CTNNA3: variants seen among roughly 807,000 people sequenced by gnomAD.
The protein encoded by CTNNA3 is catenin alpha-3.
Under a neutral mutation model 95.7 loss-of-function variants are expected in CTNNA3, and 76 were observed. The observed-to-expected ratio is 0.79, with a 90% CI of 0.66 to 0.96. The LOEUF (loss-of-function observed/expected upper bound fraction) is 0.96. Ranked by LOEUF, CTNNA3 falls within the 40% of genes least tolerant of loss-of-function variation. CTNNA3 has a pLI of 0.00. For synonymous variants in CTNNA3, 431 were observed against 374.4 expected (o/e 1.15, Z -1.74); for missense variants, 1,191 against 1,089.8 (o/e 1.09, Z -1.31).
chr10:67,170,725 G>A (rs1290805180), intron 7 of CTNNA3, among the ~76,000 whole-genome samples: 6 of 152,032 alleles, frequency 3.9e-5, no homozygotes, highest in African/African-American at 1.5e-4. Flanking sequence ...CATGCCACAA[G>A]TTTACCTATG....
At chr10:66,659,181 AACACACACACACACAC>A (rs10565151) in intron 9 of CTNNA3, among the ~76,000 whole-genome samples, 38 of 145,676 alleles carry the variant, frequency 2.6e-4, no homozygotes, top group South Asian at 1.3e-3. Context: ...TAATTAAGAA[AACACACACACACACAC>A]ACACACACAC....
rs957176445 is a variant in CTNNA3, at chr10:66,728,493, G to A, written c.1281+37771C>T. Among the ~76,000 whole-genome samples, 5 of 152,156 alleles carry A rather than the reference G, an allele frequency of 3.3e-5. No individual in the cohort carries two copies. The East Asian group carries it at 7.7e-4, about 23-fold the overall frequency. ...CAATTGCTTTGGGTGTTTTCATCAT[G>A]AAATCTTTGCCCCATGCCTATGTCC... On this transcript the variant is annotated intron_variant, in intron 9 of 17. Transcript: ENST00000433211.
intron 7 of CTNNA3, among the ~76,000 whole-genome samples, chr10:66,852,054 A>G (rs1054429547): frequency 6.6e-6 from 1 of 152,122 alleles, no homozygotes; most frequent in Non-Finnish European, 1.5e-5. Flanking sequence ...GAGCCCAGGA[A>G]TACAGTGTCA....
In CTNNA3 at chr10:67,594,396, A is replaced by C. The variant is rs968420993; in HGVS notation, c.292+12461T>G. ...ATCTGTTCCAGGGCTTTTTCTGATT[A>C]GCAGGGATTTTTTTATTACTGATTC... On this transcript the variant is annotated intron_variant, in intron 3 of 17. Coordinates refer to ENST00000433211, the MANE Select transcript of CTNNA3 (RefSeq NM_013266.4). Among the ~76,000 whole-genome samples the C allele has an allele frequency of 1.1e-4, 16 of 152,054 alleles. 1 individual carries two copies. Among genetic ancestry groups the C allele is most frequent in the African/African-American group, 3.9e-4 (16 of 41,438 alleles).
At chr10:67,029,373 C>T (rs972233676) in intron 7 of CTNNA3, among the ~76,000 whole-genome samples, 4 of 152,052 alleles carry the variant, frequency 2.6e-5, no homozygotes. Flanking sequence ...TGGTTCAGAG[C>T]AGGTTGATTG....
At chr10:67,303,722 A>G (rs1344976541) in intron 5 of CTNNA3, among the ~76,000 whole-genome samples, 1 of 152,202 alleles carries the variant, frequency 6.6e-6, no homozygotes, top group Non-Finnish European at 1.5e-5. Flanking sequence ...TAGATATTAA[A>G]GAAATGTCAG....
chr10:66,415,950 A>G (rs778786964), intron 11 of CTNNA3, among the ~76,000 whole-genome samples: 6 of 152,226 alleles, frequency 3.9e-5, no homozygotes, highest in Non-Finnish European at 8.8e-5. Context: ...GCAAGAATAT[A>G]TGACAGCTCC....
intron 10 of CTNNA3, among the ~76,000 whole-genome samples, chr10:66,536,103 G>A (rs1841643547): frequency 6.6e-6 from 1 of 151,778 alleles, no homozygotes. Context: ...TTGAAACAGG[G>A]TGATGGATTC....
chr10:67,291,908 G>C (rs954840359), intron 5 of CTNNA3, among the ~76,000 whole-genome samples: 1 of 152,128 alleles, frequency 6.6e-6, no homozygotes, highest in South Asian at 2.1e-4. Context: ...GTGTACATGA[G>C]AGCCTTCAGA....
At chr10:67,528,517 G>A (rs1184741194) in intron 4 of CTNNA3, among the ~76,000 whole-genome samples, 1 of 152,034 alleles carries the variant, frequency 6.6e-6, no homozygotes, top group African/African-American at 2.4e-5. Flanking sequence ...ATCCTCTTCT[G>A]CAGGTAAAAT....
intron 7 of CTNNA3, among the ~76,000 whole-genome samples, chr10:67,060,831 T>A (rs1288602706): frequency 6.7e-6 from 1 of 148,868 alleles, no homozygotes; most frequent in African/African-American, 2.5e-5. Context: ...TGTACATATA[T>A]GACATGAAAA....
At position 66,040,522 on chromosome 10, in the gene CTNNA3, T is replaced by C. The variant is rs1370481781; in HGVS notation, c.2159+28786A>G. Among the ~76,000 whole-genome samples the C allele has an allele frequency of 4.0e-5, 6 of 151,794 alleles. No homozygotes were observed. In the South Asian group the frequency reaches 8.3e-4, roughly 21 times the overall value. The stretch of plus-strand genomic sequence containing the variant: ...CTAGATAAAGTAACTATGGTACATA[T>C]ACACCATGGAATACTATGCAGCCAT... On this transcript the variant is annotated intron_variant, in intron 15 of 17. Coordinates refer to ENST00000433211, the MANE Select transcript of CTNNA3 (RefSeq NM_013266.4).
At position 67,671,276 on chromosome 10, in the gene CTNNA3, A is replaced by G. The variant is rs145937925; in HGVS notation, c.-5-23758T>C. 3.1e-4 allele frequency among the ~76,000 whole-genome samples: 47 copies of G among 152,278 alleles called. No individual in the cohort carries two copies. In the East Asian group the frequency reaches 8.9e-3, roughly 29 times the overall value. ...CTGGAAATAAAACAATCTTACTGCA[A>G]AGCTGAAGAGGAAGGATGACAGAGC... On this transcript the variant is annotated intron_variant, in intron 1 of 17. Transcript: ENST00000433211.
chr10:65,967,324 G>T (rs2077993293), intron 16 of CTNNA3, among the ~76,000 whole-genome samples: 1 of 152,126 alleles, frequency 6.6e-6, no homozygotes, highest in Non-Finnish European at 1.5e-5. Context: ...TTATGACAAA[G>T]GTTAGAAGCC....
At chr10:67,473,593 C>T (rs898172119) in intron 5 of CTNNA3, among the ~76,000 whole-genome samples, 9 of 152,138 alleles carry the variant, frequency 5.9e-5, no homozygotes, top group African/African-American at 2.2e-4. Context: ...ACTTAAGAGG[C>T]TCATTAAATT....
rs59003281 is a variant in CTNNA3, at chr10:66,328,933, T to TATATATACAC, written c.1733-48313_1733-48312insGTGTATATAT. Reference sequence around the variant, plus strand: ...ATACATATATATATATATATATATATACACACACACATATAAATATAATTT... The same window carrying TATATATACAC: ...ATACATATATATATATATATATATATATATATACACACACACACACATATAAATATAATTT... On this transcript the variant is annotated intron_variant, in intron 12 of 17. Transcript: ENST00000433211. Among the ~76,000 whole-genome samples, 141 of 115,402 alleles carry TATATATACAC rather than the reference T, an allele frequency of 1.2e-3. 2 individuals carry two copies. Among genetic ancestry groups the TATATATACAC allele is most frequent in the Middle Eastern group, 4.9e-3 (1 of 206 alleles). 75.7% of individuals were successfully genotyped at this position (115,402 alleles called of 152,430 possible). A position where few individuals can be genotyped will look rare whatever the true frequency, so the allele number is the denominator to read the frequency against.
chr10:67,390,227 C>G (rs1844401149), intron 5 of CTNNA3, among the ~76,000 whole-genome samples: 1 of 152,162 alleles, frequency 6.6e-6, no homozygotes, highest in South Asian at 2.1e-4. Context: ...GGGGATATCA[C>G]CACCGATCCC....
chr10:67,044,169 T>C (rs576265058), intron 7 of CTNNA3, among the ~76,000 whole-genome samples: 1 of 152,170 alleles, frequency 6.6e-6, no homozygotes, highest in East Asian at 1.9e-4. Context: ...TGGCTAGCTC[T>C]CACTTATAAG....
chr10:67,153,127 C>A (rs745998531), intron 7 of CTNNA3, among the ~76,000 whole-genome samples: 2 of 152,072 alleles, frequency 1.3e-5, no homozygotes. Flanking sequence ...AGGTGCCCAC[C>A]ACCACACCCA....
Sources: gnomAD v4.1 joint callset for allele counts (sites outside exome capture counted in the v4.1 genomes callset) on GRCh38, gnomAD v4.1.1 for gene constraint, MANE v1.5 for transcripts, NCBI Gene and HGNC (gene_info 2026-07-23, HGNC 2026-07-21) for gene names.